Variants in TCERG1L observed in about 807,000 individuals in gnomAD.
TCERG1L encodes transcription elongation regulator 1 like.
TCERG1L carries 37 observed loss-of-function variants against 56.3 expected under a neutral mutation model. The ratio of observed to expected loss-of-function variants is 0.66; its 90% confidence interval spans 0.51 to 0.87. The LOEUF (loss-of-function observed/expected upper bound fraction) is 0.87. Among genes scored for constraint, TCERG1L ranks in the 40% least tolerant of loss-of-function variants. The pLI is 0.00. For synonymous variants in TCERG1L, 324 were observed against 326.3 expected, an observed-to-expected ratio of 0.99 and a Z score of 0.08; for missense variants, 799 against 774.2, an observed-to-expected ratio of 1.03 and a Z score of -0.38.
chr10:131,190,369 C>A (rs150407490), intron 4 of TCERG1L, among the ~76,000 whole-genome samples: 2 of 152,188 alleles, frequency 1.3e-5, no homozygotes, highest in Non-Finnish European at 2.9e-5. Context: ...ACCAATCCTA[C>A]TGAAACTGTT....
At chr10:131,170,129 TCA>T (rs1846074071) in intron 4 of TCERG1L, among the ~76,000 whole-genome samples, 1 of 152,170 alleles carries the variant, frequency 6.6e-6, no homozygotes, top group South Asian at 2.1e-4. Flanking sequence ...CGGCACTCTT[TCA>T]CAGTCATTGA....
intron 3 of TCERG1L, among the ~76,000 whole-genome samples, chr10:131,285,502 AAGAAAGAAAGAAAGAAAGAAAGAG>A (rs1345219341): frequency 0.012 from 307 of 25,622 alleles, 24 homozygotes; most frequent in East Asian, 0.1. Context: ...GAAAGAAAGA[AAGAAAGAAAGAAAGAAAGAAAGAG>A]AGAAAGAAAA....
chr10:131,222,929 G>A (rs1449699997), intron 4 of TCERG1L, among the ~76,000 whole-genome samples: 16 of 152,134 alleles, frequency 1.1e-4, no homozygotes, highest in African/African-American at 1.4e-4. Flanking sequence ...GGCTGTGGCC[G>A]GTTTAACCCC....
chr10:131,268,731 T>C (rs1846309751), intron 3 of TCERG1L, among the ~76,000 whole-genome samples: 1 of 152,248 alleles, frequency 6.6e-6, no homozygotes. Flanking sequence ...AGACAGTTTC[T>C]GTCCTTAAAC....
At chr10:131,176,896 A>C in intron 4 of TCERG1L, among the ~76,000 whole-genome samples, 1 of 19,564 alleles carries the variant, frequency 5.1e-5, no homozygotes, top group Non-Finnish European at 1.3e-4. Flanking sequence ...ATGCACACAC[A>C]GACACATTCA....
intron 8 of TCERG1L, among the ~76,000 whole-genome samples, chr10:131,120,154 C>CGTGT (rs572752365): frequency 1.3e-5 from 2 of 151,212 alleles, no homozygotes; most frequent in African/African-American, 2.4e-5. Flanking sequence ...GTTAATGATT[C>CGTGT]GTGTGTGTGT....
chr10:131,261,385 CCT>C (rs1846236358), intron 3 of TCERG1L, among the ~76,000 whole-genome samples: 1 of 152,198 alleles, frequency 6.6e-6, no homozygotes, highest in Non-Finnish European at 1.5e-5. Flanking sequence ...TCTGGCACGT[CCT>C]GTCGTGTGAC....
chr10:131,300,850 C>T (rs1564836949), intron 3 of TCERG1L, among the ~76,000 whole-genome samples: 1 of 150,916 alleles, frequency 6.6e-6, no homozygotes, highest in African/African-American at 2.5e-5. Context: ...GGAATGGGCA[C>T]ACCCCTTCTT....
intron 3 of TCERG1L, among the ~76,000 whole-genome samples, chr10:131,297,504 T>C (rs1370354111): frequency 6.6e-6 from 1 of 152,218 alleles, no homozygotes; most frequent in Admixed American, 6.5e-5. Flanking sequence ...TCTTTGCATG[T>C]ATGTTCAAAA....
intron 3 of TCERG1L, among the ~76,000 whole-genome samples, chr10:131,284,686 G>A (rs1201373700): frequency 6.6e-6 from 1 of 152,044 alleles, no homozygotes; most frequent in Non-Finnish European, 1.5e-5. Context: ...GTGCAAATAA[G>A]CAAAACTATA....
intron 3 of TCERG1L, among the ~76,000 whole-genome samples, chr10:131,297,845 T>G (rs1187464996): frequency 1.3e-5 from 2 of 152,166 alleles, no homozygotes; most frequent in Non-Finnish European, 2.9e-5. Context: ...CTGTTGCATT[T>G]ATGATTATAG....
intron 10 of TCERG1L, among the ~76,000 whole-genome samples, chr10:131,099,717 C>A (rs1442520897): frequency 6.6e-6 from 1 of 152,316 alleles, no homozygotes; most frequent in East Asian, 1.9e-4. Context: ...TCCATGTCAG[C>A]AGTGGCAAAC....
chr10:131,115,277 C>T (rs966292137), intron 9 of TCERG1L, among the ~76,000 whole-genome samples: 6 of 152,168 alleles, frequency 3.9e-5, no homozygotes, highest in East Asian at 1.9e-4. Flanking sequence ...TGGAGCCCCT[C>T]GGGGCAGGGC....
At chr10:131,160,342 G>C (rs1047847281) in intron 6 of TCERG1L, among the ~76,000 whole-genome samples, 2 of 151,978 alleles carry the variant, frequency 1.3e-5, no homozygotes, top group African/African-American at 2.4e-5. Context: ...TGGGACCTTG[G>C]CCATCCTTCC....
At chr10:131,235,700 T>G (rs187489478) in intron 4 of TCERG1L, among the ~76,000 whole-genome samples, 14 of 152,252 alleles carry the variant, frequency 9.2e-5, no homozygotes, top group Non-Finnish European at 1.9e-4. Flanking sequence ...AATATAACCC[T>G]GTTCATGCAA....
At chr10:131,253,995 T>A (rs1344013573) in intron 4 of TCERG1L, among the ~76,000 whole-genome samples, 1 of 152,054 alleles carries the variant, frequency 6.6e-6, no homozygotes, top group Non-Finnish European at 1.5e-5. Flanking sequence ...AGGAGTTCGT[T>A]CCAGGGGCCA....
rs1253857831 is a variant in TCERG1L, at chr10:131,111,487, T to C, written c.1395+5312A>G. On this transcript the variant is annotated intron_variant, in intron 9 of 11. Transcript: ENST00000368642. Reference sequence around the variant, plus strand: ...GTATTTATTTACTTTTACTTCCTTGTACCTTAAAATGGCCATAATAGACCG... The same window carrying C: ...GTATTTATTTACTTTTACTTCCTTGCACCTTAAAATGGCCATAATAGACCG... Among the ~76,000 whole-genome samples the C allele has an allele frequency of 4.9e-5, 7 of 143,382 alleles. 1 individual carries two copies. Among genetic ancestry groups the C allele is most frequent in the African/African-American group, 1.7e-4 (7 of 40,634 alleles). The allele number at this position is 143,382 out of a possible 152,430, so 94.1% of individuals were successfully genotyped here. A position where few individuals can be genotyped will look rare whatever the true frequency, so the allele number is the denominator to read the frequency against.
chr10:131,146,520 A>G lies in TCERG1L; in HGVS notation c.1175T>C (p.Leu392Pro). The G allele has an allele frequency of 1.2e-6, 2 of 1,610,936 alleles. No homozygotes were observed. Among genetic ancestry groups the G allele is most frequent in the Non-Finnish European group, 1.7e-6 (2 of 1,177,794 alleles). The change falls in exon 7 of 12, where the codon CTG (leucine) becomes CCG (proline). Residue 392 changes from leucine (L) to proline (P), a missense_variant. Transcript: ENST00000368642. Reference protein sequence around the residue: ...IIEDPPHKRKLEAPATDNSDG... With the variant: ...IIEDPPHKRKPEAPATDNSDG... ...GGCTTAGTTACTTGCTGGTGCCTCCAGCTTGCGTTTGTGGGGCGGGTCCTC... is the reference window on the plus strand; with the variant it reads ...GGCTTAGTTACTTGCTGGTGCCTCCGGCTTGCGTTTGTGGGGCGGGTCCTC...
At chr10:131,285,517 AAAGAAAGAGAGAAAGAAAAG>A (rs1564833919) in intron 3 of TCERG1L, among the ~76,000 whole-genome samples, 1,547 of 62,828 alleles carry the variant, frequency 0.025, 66 homozygotes, top group Middle Eastern at 0.07. Flanking sequence ...AGAAAGAAAG[AAAGAAAGAGAGAAAGAAAAG>A]AAAAGAAAGA....
Sources: allele counts gnomAD v4.1 joint callset (sites outside exome capture counted in the v4.1 genomes callset), GRCh38; gene constraint gnomAD v4.1.1; transcripts MANE v1.5; gene names NCBI Gene and HGNC (gene_info 2026-07-23, HGNC 2026-07-21).